The following SLC10A7 variants were observed in gnomAD, a reference collection of about 807,000 sequenced individuals.
SLC10A7 encodes the protein solute carrier family 10 member 7.
A neutral mutation model predicts 43.2 loss-of-function variants in SLC10A7; 29 were observed. The ratio of observed to expected loss-of-function variants is 0.67; its 90% CI spans 0.50 to 0.92. The LOEUF (loss-of-function observed/expected upper bound fraction) is 0.92. Among genes scored for constraint, SLC10A7 ranks in the 40% least tolerant of loss-of-function variants. The pLI is 0.00. For missense variants in SLC10A7, 295 were observed against 403.2 expected, an observed-to-expected ratio of 0.73 and a Z score of 2.30; for synonymous variants, 152 against 144.8, an observed-to-expected ratio of 1.05 and a Z score of -0.35.
chr4:146,450,746 T>C (rs1731510527), intron 4 of SLC10A7, among the ~76,000 whole-genome samples: 2 of 152,130 alleles, frequency 1.3e-5, no homozygotes, highest in Non-Finnish European at 2.9e-5. Context: ...ACATGACTCA[T>C]GAATTTCAAA....
intron 10 of SLC10A7, among the ~76,000 whole-genome samples, chr4:146,262,866 C>CGTGTCACATCACGCAGAAGT (rs1728322006): frequency 6.6e-6 from 1 of 152,210 alleles, no homozygotes; most frequent in Non-Finnish European, 1.5e-5. Context: ...CAAATCTGAT[C>CGTGTCACATCACGCAGAAGT]GTGTCACATC....
intron 5 of SLC10A7, among the ~76,000 whole-genome samples, chr4:146,389,316 A>AT (rs935056472): frequency 5.7e-5 from 3 of 52,304 alleles, no homozygotes; most frequent in African/African-American, 4.2e-4. Context: ...GTCTACAAAA[A>AT]TAAAAAAAAA....
intron 3 of SLC10A7, 24 bp from the exon 4 acceptor site, chr4:146,503,948 C>G (rs1560973685): frequency 6.2e-7 from 1 of 1,602,298 alleles, no homozygotes; most frequent in African/African-American, 1.3e-5. Context: ...GAAAATCCAA[C>G]TATAAATAAT....
At chr4:146,278,615 A>C (rs1308712807) in intron 10 of SLC10A7, among the ~76,000 whole-genome samples, 1 of 152,132 alleles carries the variant, frequency 6.6e-6, no homozygotes, top group African/African-American at 2.4e-5. Flanking sequence ...ATATGTTAAC[A>C]TTATTTATAT....
At chr4:146,438,013 A>G (rs1437554725) in intron 5 of SLC10A7, among the ~76,000 whole-genome samples, 2 of 151,694 alleles carry the variant, frequency 1.3e-5, no homozygotes, top group Non-Finnish European at 3.0e-5. Context: ...ATCATTGTAC[A>G]GGAAAGGAAA....
At position 146,255,135 on chromosome 4, in the gene SLC10A7, A is replaced by G. The variant is rs1227564010; in HGVS notation, c.*1356T>C. 6.6e-6 allele frequency: 1 copy of G among 152,474 alleles called. No homozygotes were observed. Among genetic ancestry groups the G allele is most frequent in the African/African-American group, 2.4e-5 (1 of 41,464 alleles). 9.4% of individuals were successfully genotyped at this position (152,474 alleles called of 1,614,324 possible). A position where few individuals can be genotyped will look rare whatever the true frequency, so the allele number is the denominator to read the frequency against. ...CCAGGATGCCAATATTGTCTATCAA[A>G]TCAAGAGAGGACGTGTAAGAGGATG... On this transcript the variant is annotated 3_prime_UTR_variant, in exon 12 of 12. Coordinates refer to ENST00000335472, the MANE Select transcript of SLC10A7 (RefSeq NM_001029998.6).
rs534334592 is a variant in SLC10A7, at chr4:146,421,099, A to G, written c.435+21684T>C. Among the ~76,000 whole-genome samples the G allele has an allele frequency of 1.2e-4, 19 of 152,186 alleles. No homozygotes were observed. In the South Asian group the frequency reaches 2.7e-3, roughly 22 times the overall value. ...GTAAAATACTCTCGATAATAATAGT[A>G]GCACCTACCATTTATGAATGCTTGC... is the stretch of plus-strand genomic sequence containing the variant. On this transcript the variant is annotated intron_variant, in intron 5 of 11. Transcript: ENST00000335472.
chr4:146,414,521 C>T (rs1728432903), intron 5 of SLC10A7, among the ~76,000 whole-genome samples: 1 of 151,950 alleles, frequency 6.6e-6, no homozygotes, highest in Admixed American at 6.6e-5. Flanking sequence ...GTCAGGAGTT[C>T]GAGACTAGCC....
intron 10 of SLC10A7, among the ~76,000 whole-genome samples, chr4:146,274,806 T>A (rs890134216): frequency 1.3e-4 from 20 of 152,204 alleles, no homozygotes; most frequent in African/African-American, 4.8e-4. Flanking sequence ...ATGTCATAAG[T>A]AGTTATGTCA....
At chr4:146,493,434 T>C (rs1489098318) in intron 4 of SLC10A7, among the ~76,000 whole-genome samples, 1 of 151,190 alleles carries the variant, frequency 6.6e-6, no homozygotes, top group African/African-American at 2.4e-5. Context: ...TTAAGTGAGC[T>C]GAGACTGCGC....
chr4:146,286,420 T>C (rs1401920410), intron 9 of SLC10A7, among the ~76,000 whole-genome samples: 1 of 133,040 alleles, frequency 7.5e-6, no homozygotes, highest in Non-Finnish European at 1.6e-5. Flanking sequence ...AGGACTGTGT[T>C]TGGAGTGGTG....
chr4:146,364,055 CAA>C (rs1736230266), intron 5 of SLC10A7, among the ~76,000 whole-genome samples: 1 of 151,670 alleles, frequency 6.6e-6, no homozygotes, highest in African/African-American at 2.4e-5. Context: ...ATCAACAAAA[CAA>C]AAAGTTGGTT....
intron 4 of SLC10A7, among the ~76,000 whole-genome samples, chr4:146,461,648 T>C (rs948707556): frequency 6.6e-6 from 1 of 152,030 alleles, no homozygotes; most frequent in Non-Finnish European, 1.5e-5. Flanking sequence ...CTCTCACTAA[T>C]TGTACAGTAC....
At chr4:146,331,092 C>G (rs943994001) in intron 5 of SLC10A7, among the ~76,000 whole-genome samples, 16 of 152,122 alleles carry the variant, frequency 1.1e-4, no homozygotes, top group Non-Finnish European at 2.2e-4. Flanking sequence ...TAAGTTTTCT[C>G]TAGGACAAAA....
At chr4:146,347,362 G>T (rs1288845427) in intron 5 of SLC10A7, among the ~76,000 whole-genome samples, 1 of 152,056 alleles carries the variant, frequency 6.6e-6, no homozygotes, top group Non-Finnish European at 1.5e-5. Flanking sequence ...CACAGAAAGG[G>T]CAATGAGATT....
At chr4:146,258,912 T>G in intron 10 of SLC10A7, 75 bp from the exon 11 acceptor site, 1 of 1,499,042 alleles carries the variant, frequency 6.7e-7, no homozygotes. Context: ...TCCATCAAAA[T>G]CAGAACTTTG....
In SLC10A7 at chr4:146,521,683, A is replaced by C; in HGVS notation, c.35T>G (p.Phe12Cys). 6.2e-7 allele frequency: 1 copy of C among 1,614,196 alleles called. No homozygotes were observed. Among genetic ancestry groups the C allele is most frequent in the Non-Finnish European group, 8.5e-7 (1 of 1,180,026 alleles). ...RLLERMRKDW[F>C]MVGIVLAIAG... ...GATCGCCAGCACTATTCCGACCATG[A>C]ACCAGTCTTTCCTCATTCTCTCCAG... The change falls in exon 1 of 12, where the codon TTC (phenylalanine) becomes TGC (cysteine). Residue 12 changes from phenylalanine (F) to cysteine (C), a missense_variant. Physicochemically the swap from Phe to Cys is radical, Grantham distance 205. This residue lies in a region of SLC10A7 where 53 missense variants were observed against 40.7 expected (regional missense o/e 1.30). Transcript: ENST00000335472.
intron 6 of SLC10A7, among the ~76,000 whole-genome samples, chr4:146,306,840 G>C (rs1731611983): frequency 6.6e-6 from 1 of 152,102 alleles, no homozygotes; most frequent in African/African-American, 2.4e-5. Flanking sequence ...CTCTTTCACA[G>C]GTTCATTTTG....
At chr4:146,301,798 T>C (rs1578828792) in intron 7 of SLC10A7, among the ~76,000 whole-genome samples, 1 of 152,066 alleles carries the variant, frequency 6.6e-6, no homozygotes, top group East Asian at 1.9e-4. Context: ...GGCTGTTAAT[T>C]CCTAAGACCA....
Sources: allele counts gnomAD v4.1 joint callset (sites outside exome capture counted in the v4.1 genomes callset), GRCh38; gene constraint gnomAD v4.1.1; regional missense constraint gnomAD v4.1.1; transcripts MANE v1.5; gene names NCBI Gene and HGNC (gene_info 2026-07-23, HGNC 2026-07-21).